The following MINK1 variants were observed in gnomAD, a reference collection of about 807,000 sequenced individuals.
MINK1 encodes the protein misshapen-like kinase 1.
Under a neutral mutation model 178.4 loss-of-function variants are expected in MINK1, and 46 were observed. The ratio of observed to expected loss-of-function variants is 0.26; its 90% CI spans 0.20 to 0.33. MINK1 has a LOEUF of 0.33. Among genes scored for constraint, MINK1 ranks in the 10% least tolerant of loss-of-function variants. MINK1 has a pLI of 1.00. For synonymous variants in MINK1, 797 were observed against 709.7 expected (o/e 1.12, Z -1.96); for missense variants, 1,366 against 1,814.9 (o/e 0.75, Z 4.49).
Position 4,886,115 on chromosome 17 carries a change from T to A in MINK1, c.695-5T>A. 6.2e-7 allele frequency: 1 copy of A among 1,613,884 alleles called. No homozygotes were observed. The highest frequency in any genetic ancestry group is 8.5e-7 in the Non-Finnish European group (1 of 1,179,836). Reference sequence around the variant, plus strand: ...AGGGACTGAGGGTGTCTCCTCTGTGTCCAGCTCTGTGTGACATGCACCCCA... The same window carrying A: ...AGGGACTGAGGGTGTCTCCTCTGTGACCAGCTCTGTGTGACATGCACCCCA... On this transcript the variant is annotated splice_polypyrimidine_tract_variant and splice_region_variant and intron_variant, in intron 8 of 31. Transcript: ENST00000355280. The surrounding 1 kb of genome is among the most constrained non-coding windows in gnomAD (Gnocchi z 6.1).
chr17:4,884,343 G>A lies in MINK1; in HGVS notation c.307-20G>A, dbSNP rs1189670245. The A allele has an allele frequency of 6.9e-6, 11 of 1,604,912 alleles. No homozygotes were observed. The highest frequency in any genetic ancestry group is 3.3e-5 in the Admixed American group (2 of 59,956). The stretch of plus-strand genomic sequence containing the variant: ...TGTCTGACTGATACTTTTCCTTTCG[G>A]TACCTTCCTGGGATCCTAGCTGGTG... On this transcript the variant is annotated intron_variant, in intron 4 of 31. Transcript: ENST00000355280.
At chr17:4,881,101 T>A (rs542227459) in intron 3 of MINK1, 31 bp from the exon 4 acceptor site, 1 of 1,527,984 alleles carries the variant, frequency 6.5e-7, no homozygotes, top group Admixed American at 2.0e-5. Flanking sequence ...GTTGGGGGAG[T>A]CTCAGGGCTC....
chr17:4,867,138 GTTT>G (rs759995957), intron 1 of MINK1, among the ~76,000 whole-genome samples: 39,472 of 62,450 alleles, frequency 0.63, 12,810 homozygotes, highest in South Asian at 0.76. Context: ...TCTTAGGACT[GTTT>G]TTTTTTTTTT....
intron 1 of MINK1, among the ~76,000 whole-genome samples, chr17:4,838,417 C>A (rs1909626331): frequency 6.6e-6 from 1 of 152,090 alleles, no homozygotes; most frequent in Non-Finnish European, 1.5e-5. Context: ...GCTGGCCCAC[C>A]CCCTCACTCT....
chr17:4,887,845 G>C lies in MINK1; in HGVS notation c.1230+55G>C. ...GCGCGGCCTCCTCCTGACCTGCCCC[G>C]GGTCCATTAGGGCCTTGGAGAACAG... is the stretch of plus-strand genomic sequence containing the variant. On this transcript the variant is annotated intron_variant, in intron 12 of 31. Transcript: ENST00000355280. This position sits in a 1 kb window ranked among gnomAD's most constrained non-coding sequence, Gnocchi z 7.6. 7.4e-7 allele frequency: 1 copy of C among 1,354,322 alleles called. No individual in the cohort carries two copies. Among genetic ancestry groups the C allele is most frequent in the East Asian group, 2.7e-5 (1 of 37,356 alleles). The allele number at this position is 1,354,322 out of a possible 1,614,324, so 83.9% of individuals were successfully genotyped here.
chr17:4,840,127 T>C (rs1909992972), intron 1 of MINK1, among the ~76,000 whole-genome samples: 1 of 152,114 alleles, frequency 6.6e-6, no homozygotes, highest in Admixed American at 6.6e-5. Context: ...GACAAAACTT[T>C]TATAAGACAA....
In MINK1 at chr17:4,885,103, C is replaced by CCAG; in HGVS notation, c.508+101_508+102insCAG. ...TGGTGGCTCAGGCCCAACTCCCTTC[C>CCAG]TACTGGGGAGGCTCACTCCCTCCCC... is the stretch of plus-strand genomic sequence containing the variant. On this transcript the variant is annotated intron_variant, in intron 6 of 31. Transcript: ENST00000355280. This position sits in a 1 kb window ranked among gnomAD's most constrained non-coding sequence, Gnocchi z 5.0. 9.1e-7 allele frequency: 1 copy of CCAG among 1,095,730 alleles called. No homozygotes were observed. The highest frequency in any genetic ancestry group is 1.3e-6 in the Non-Finnish European group (1 of 741,782). The allele number at this position is 1,095,730 out of a possible 1,614,324, so 67.9% of individuals were successfully genotyped here.
rs1969356918 is a variant in MINK1 at position 4,895,535 on chromosome 17, C to T, written c.3229+42C>T. The T allele has an allele frequency of 1.9e-6, 3 of 1,553,702 alleles. No individual in the cohort carries two copies. The highest frequency in any genetic ancestry group is 1.8e-4 in the Middle Eastern group (1 of 5,674). On this transcript the variant is annotated intron_variant, in intron 26 of 31. Coordinates refer to ENST00000355280, the MANE Select transcript of MINK1 (RefSeq NM_153827.5). The surrounding 1 kb of genome is among the most constrained non-coding windows in gnomAD (Gnocchi z 4.3). ...TGGGGGAGGGAGGAGGGGCTCAGCT[C>T]CTTGGCGCTGTCACCATCTTCTGCC...
At chr17:4,847,300 G>T in intron 1 of MINK1, 1 of 450,630 alleles carries the variant, frequency 2.2e-6, no homozygotes, top group Admixed American at 2.4e-5. Context: ...ATGCAGTGGC[G>T]CAGTCTCAGC....
Position 4,895,817 on chromosome 17 carries a change from G to A in MINK1, c.3349G>A (p.Gly1117Arg), listed in dbSNP as rs780531040. ...CACCGTGGGGGACATGGAGGGCTGCGGGCACTACCGTGTTGGTGAGGATGT... is the reference window on the plus strand; with the variant it reads ...CACCGTGGGGGACATGGAGGGCTGCAGGCACTACCGTGTTGGTGAGGATGT... Reference protein sequence around the residue: ...WTTVGDMEGCGHYRVVKYERI... With the variant: ...WTTVGDMEGCRHYRVVKYERI... Residue 1117 changes from glycine (G) to arginine (R), a missense_variant, in exon 27 of 32, where the codon GGG (glycine) becomes AGG (arginine). Gly to Arg is a moderately radical substitution (Grantham distance 125). Transcript: ENST00000355280. This position sits in a 1 kb window ranked among gnomAD's most constrained non-coding sequence, Gnocchi z 4.3. The A allele has an allele frequency of 1.1e-5, 17 of 1,613,418 alleles. No homozygotes were observed. Among genetic ancestry groups the A allele is most frequent in the Non-Finnish European group, 7.6e-6 (9 of 1,179,762 alleles).
rs1008444318 is a variant in MINK1, at chr17:4,886,832, A to C, written c.949+206A>C. On this transcript the variant is annotated intron_variant, in intron 10 of 31. Coordinates refer to ENST00000355280, the MANE Select transcript of MINK1 (RefSeq NM_153827.5). This position sits in a 1 kb window ranked among gnomAD's most constrained non-coding sequence, Gnocchi z 6.1. ...GTCTGAATCAGCCTTCCAAAGGAGG[A>C]CCGGCCTTTCGCATCCTTACAAAAA... Among the ~76,000 whole-genome samples, 2 of 152,158 alleles carry C rather than the reference A, an allele frequency of 1.3e-5. No homozygotes were observed. The highest frequency in any genetic ancestry group is 4.8e-5 in the African/African-American group (2 of 41,414).
chr17:4,894,375 G>C lies in MINK1; in HGVS notation c.2808+64G>C. 6.4e-7 allele frequency: 1 copy of C among 1,573,350 alleles called. No homozygotes were observed. The highest frequency in any genetic ancestry group is 8.6e-7 in the Non-Finnish European group (1 of 1,160,346). ...CCCTGGCGATGGGCAGGAGGTCCCG[G>C]TGCTGGGTAACGGCAGAGGATGGGG... On this transcript the variant is annotated intron_variant, in intron 23 of 31. Transcript: ENST00000355280. The surrounding 1 kb of genome is among the most constrained non-coding windows in gnomAD (Gnocchi z 4.1).
At chr17:4,873,617 C>CTTTTTTTTTTTTTTT (rs71367860) in intron 1 of MINK1, among the ~76,000 whole-genome samples, 2 of 108,086 alleles carry the variant, frequency 1.9e-5, no homozygotes, top group African/African-American at 3.6e-5. Flanking sequence ...TTTTTCTTTT[C>CTTTTTTTTTTTTTTT]TTTTTTTTTT....
chr17:4,860,221 G>A (rs1318506411), intron 1 of MINK1, among the ~76,000 whole-genome samples: 1 of 152,200 alleles, frequency 6.6e-6, no homozygotes, highest in African/African-American at 2.4e-5. Flanking sequence ...CAAGCCTCTG[G>A]TGCTTGCCTC....
At chr17:4,869,297 A>T (rs1915527509) in intron 1 of MINK1, among the ~76,000 whole-genome samples, 1 of 147,404 alleles carries the variant, frequency 6.8e-6, no homozygotes. Flanking sequence ...TATTTTTGAG[A>T]CAGCGTTTCA....
chr17:4,856,677 G>A (rs1470399182), intron 1 of MINK1: 1 of 152,320 alleles, frequency 6.6e-6, no homozygotes, highest in Non-Finnish European at 1.5e-5. Flanking sequence ...CTTATACATA[G>A]AGTACTCAAG....
At chr17:4,893,278 C>T in intron 20 of MINK1, 156 bp from the exon 21 acceptor site, 6 of 1,613,932 alleles carry the variant, frequency 3.7e-6, no homozygotes, top group Non-Finnish European at 5.1e-6. Flanking sequence ...CCCTGCGGCC[C>T]CTCCCAGAGC....
In MINK1 at chr17:4,895,647, C is replaced by T. The variant is rs191349037; in HGVS notation, c.3230-51C>T. 2.4e-4 allele frequency: 381 copies of T among 1,596,838 alleles called. No homozygotes were observed. In the Middle Eastern group the frequency reaches 3.2e-3, roughly 13 times the overall value. On this transcript the variant is annotated intron_variant, in intron 26 of 31. Transcript: ENST00000355280. This position sits in a 1 kb window ranked among gnomAD's most constrained non-coding sequence, Gnocchi z 4.3. ...CAGAGGAGGCCAGGGCGGTGGCATT[C>T]GGGCCTCAGATGAGAATGGGGGCGG...
intron 1 of MINK1, among the ~76,000 whole-genome samples, chr17:4,846,486 C>T (rs1911051234): frequency 3.3e-5 from 5 of 152,316 alleles, no homozygotes; most frequent in Admixed American, 3.3e-4. Flanking sequence ...GACTGAGTCT[C>T]AGTCTACCCC....
Sources: gnomAD v4.1 joint callset for allele counts (sites outside exome capture counted in the v4.1 genomes callset) on GRCh38, gnomAD v4.1.1 for gene constraint, Gnocchi (gnomAD v3.1) non-coding constraint, MANE v1.5 for transcripts, NCBI Gene and HGNC (gene_info 2026-07-23, HGNC 2026-07-21) for gene names.